The following PROM1 variants were observed in gnomAD, a reference collection of about 807,000 sequenced individuals.
PROM1 encodes prominin-1.
Under a neutral mutation model 116.9 loss-of-function variants are expected in PROM1, and 105 were observed. The ratio of observed to expected loss-of-function variants is 0.90; its 90% confidence interval spans 0.77 to 1.06. PROM1 has a LOEUF of 1.06. PROM1 is among the 50% of genes least tolerant of loss of function. The pLI is 0.00. For missense variants in PROM1, 1,122 were observed against 1,045.2 expected (o/e 1.07, Z -1.01); for synonymous variants, 393 against 387.0 (o/e 1.02, Z -0.18).
chr4:15,998,363 T>C (rs949492380), intron 15 of PROM1, 22 bp downstream of exon 15: 9 of 1,554,998 alleles, frequency 5.8e-6, no homozygotes, highest in Non-Finnish European at 7.8e-6. Flanking sequence ...AATAGCGAAA[T>C]GTATAATGCA....
Position 15,999,254 on chromosome 4 carries a change from G to A in PROM1, c.1579-766C>T, listed in dbSNP as rs6850511. 6.8e-3 allele frequency among the ~76,000 whole-genome samples: 1,030 copies of A among 151,914 alleles called. 6 individuals are homozygous for A. Among genetic ancestry groups the A allele is most frequent in the Non-Finnish European group, 0.012 (784 of 67,968 alleles). ...TGGGAGGCCAAGGTGGGCAGATCAC[G>A]AGGTCAGGAGATCGAGACCATCCTG... On this transcript the variant is annotated intron_variant, in intron 14 of 27. Transcript: ENST00000447510.
At chr4:16,029,637 T>G (rs533415240) in intron 5 of PROM1, among the ~76,000 whole-genome samples, 5 of 152,300 alleles carry the variant, frequency 3.3e-5, no homozygotes, top group South Asian at 4.1e-4. Context: ...TCTTTCTCCT[T>G]AACACCTATG....
intron 2 of PROM1, among the ~76,000 whole-genome samples, chr4:16,054,906 C>T (rs910662213): frequency 1.3e-5 from 2 of 152,160 alleles, no homozygotes; most frequent in African/African-American, 4.8e-5. Context: ...AGGTCCTCAG[C>T]TGATTTCCCT....
At position 16,013,314 on chromosome 4, in the gene PROM1, G is replaced by T; in HGVS notation, c.1102C>A (p.Pro368Thr). The change falls in exon 11 of 28, where the codon CCT becomes ACT. Residue 368 changes from proline (P) to threonine (T), a missense_variant. Physicochemically the swap from Pro to Thr is conservative, Grantham distance 38. Coordinates refer to ENST00000447510, the MANE Select transcript of PROM1 (RefSeq NM_006017.3). Reference protein sequence around the residue: ...QQGYQSLNDIPDRVQRQTTTV... With the variant: ...QQGYQSLNDITDRVQRQTTTV... The stretch of plus-strand genomic sequence containing the variant: ...GTGGTTTGGCGTTGTACTCTGTCAG[G>T]TATATCATTAAGGGATTGATAGCCC... 1.2e-6 allele frequency: 2 copies of T among 1,607,364 alleles called. No individual in the cohort carries two copies. The highest frequency in any genetic ancestry group is 1.7e-6 in the Non-Finnish European group (2 of 1,173,920).
intron 19 of PROM1, among the ~76,000 whole-genome samples, chr4:15,988,535 A>G (rs1014363154): frequency 9.2e-5 from 14 of 152,182 alleles, no homozygotes; most frequent in Admixed American, 5.9e-4. Flanking sequence ...TATTTACAAA[A>G]ACTGCTGGTA....
At chr4:15,999,296 C>G (rs1021069743) in intron 14 of PROM1, among the ~76,000 whole-genome samples, 2 of 151,736 alleles carry the variant, frequency 1.3e-5, no homozygotes, top group East Asian at 2.0e-4. Flanking sequence ...GTGGTGAAAC[C>G]CCGTCTCTAC....
chr4:15,984,780 G>C (rs1038834552), intron 22 of PROM1, among the ~76,000 whole-genome samples: 1 of 151,926 alleles, frequency 6.6e-6, no homozygotes, highest in Non-Finnish European at 1.5e-5. Context: ...TACTCCCACT[G>C]ATTCTACACT....
intron 24 of PROM1, 50 bp from the exon 25 acceptor site, chr4:15,979,954 A>C: frequency 8.8e-7 from 1 of 1,134,570 alleles, no homozygotes. Flanking sequence ...AATTATTATG[A>C]AAGCTCAGCA....
At chr4:16,042,131 G>C (rs1296397309) in intron 2 of PROM1, among the ~76,000 whole-genome samples, 1 of 152,170 alleles carries the variant, frequency 6.6e-6, no homozygotes, top group East Asian at 1.9e-4. Context: ...TCTCTGAAAT[G>C]AAAGAAGTGG....
chr4:15,979,414 G>C lies in PROM1; in HGVS notation c.2563C>G (p.His855Asp), dbSNP rs1717163441. ...GYHKDHVYGIHNPVMTSPSQH is the reference protein window; with the variant it reads ...GYHKDHVYGIDNPVMTSPSQH ...CTTTACCTTGTCATAACAGGATTGT[G>C]AATACCATATACATGATCTTTATGA... Residue 855 changes from histidine (H) to aspartate (D), a missense_variant, in exon 26 of 28, where the codon CAC (histidine) becomes GAC (aspartate). By Grantham distance (81) the His-to-Asp change is moderately conservative. Coordinates refer to ENST00000447510, the MANE Select transcript of PROM1 (RefSeq NM_006017.3). 1.9e-6 allele frequency: 3 copies of C among 1,613,486 alleles called. No individual in the cohort carries two copies. In the South Asian group the frequency reaches 3.3e-5, roughly 18 times the overall value.
chr4:16,017,558 T>C (rs529346251), intron 9 of PROM1, among the ~76,000 whole-genome samples: 1 of 152,348 alleles, frequency 6.6e-6, no homozygotes, highest in African/African-American at 2.4e-5. Flanking sequence ...TGGTGGCTCA[T>C]GCCTGTAATC....
intron 2 of PROM1, among the ~76,000 whole-genome samples, chr4:16,047,496 T>TGCCG (rs1364121269): frequency 3.6e-4 from 55 of 152,296 alleles, no homozygotes; most frequent in Admixed American, 2.1e-3. Flanking sequence ...TGAGCCACCA[T>TGCCG]GCCGGGCAGG....
chr4:16,031,256 G>A (rs1381619927), intron 5 of PROM1, among the ~76,000 whole-genome samples: 4 of 152,036 alleles, frequency 2.6e-5, no homozygotes, highest in Non-Finnish European at 4.4e-5. Context: ...TTTCACATCC[G>A]AGTCTCATCT....
chr4:15,986,865 C>T lies in PROM1; in HGVS notation c.2130+798G>A, dbSNP rs144816751. ...TAGTTTTATCCTGTGGGGCTGATAC[C>T]CAAAACCTGTCATGTACAGACTATT... On this transcript the variant is annotated intron_variant, in intron 20 of 27. Coordinates refer to ENST00000447510, the MANE Select transcript of PROM1 (RefSeq NM_006017.3). Among the ~76,000 whole-genome samples, 247 of 152,224 alleles carry T rather than the reference C, an allele frequency of 1.6e-3. 1 individual carries two copies. Among genetic ancestry groups the T allele is most frequent in the African/African-American group, 5.8e-3 (243 of 41,540 alleles).
chr4:16,083,295 C>T (rs1745383034), intron 1 of PROM1: 1 of 152,330 alleles, frequency 6.6e-6, no homozygotes, highest in South Asian at 2.1e-4. Flanking sequence ...AGTTCGCACA[C>T]TCACCTCCGA....
At chr4:15,987,637 T>A (rs755923690) in intron 20 of PROM1, 26 bp downstream of exon 20, 22 of 1,600,850 alleles carry the variant, frequency 1.4e-5, no homozygotes, top group Non-Finnish European at 1.9e-5. Flanking sequence ...CAAAACCCCA[T>A]GACAGAAAAC....
intron 4 of PROM1, among the ~76,000 whole-genome samples, chr4:16,035,063 T>TAAAA (rs969936968): frequency 6.6e-6 from 1 of 151,950 alleles, no homozygotes; most frequent in African/African-American, 2.4e-5. Context: ...TTAAATTGCT[T>TAAAA]AAAAAAAAGA....
intron 2 of PROM1, among the ~76,000 whole-genome samples, chr4:16,042,161 C>T (rs1376164897): frequency 6.6e-6 from 1 of 152,096 alleles, no homozygotes; most frequent in Non-Finnish European, 1.5e-5. Context: ...GTTTAAGAAG[C>T]CACTGACAGG....
chr4:16,005,161 C>A (rs1433579251), intron 13 of PROM1, among the ~76,000 whole-genome samples: 1 of 151,958 alleles, frequency 6.6e-6, no homozygotes, highest in East Asian at 1.9e-4. Flanking sequence ...TGGGGTTTCA[C>A]CATGTTGGTC....
Sources: allele counts gnomAD v4.1 joint callset (sites outside exome capture counted in the v4.1 genomes callset), GRCh38; gene constraint gnomAD v4.1.1; transcripts MANE v1.5; gene names NCBI Gene and HGNC (gene_info 2026-07-23, HGNC 2026-07-21).